The following ATG16L1 variants were observed in gnomAD, a reference collection of about 807,000 sequenced individuals.
The protein encoded by ATG16L1 is autophagy related 16 like 1, also known as autophagy-related protein 16-1.
A neutral mutation model predicts 88.5 loss-of-function variants in ATG16L1; 37 were observed. The observed-to-expected ratio is 0.42, with a 90% CI of 0.32 to 0.55. The LOEUF (loss-of-function observed/expected upper bound fraction) is 0.55. Ranked by LOEUF, ATG16L1 falls within the 20% of genes least tolerant of loss-of-function variation. ATG16L1 has a pLI of 0.13. For missense variants in ATG16L1, 554 were observed against 752.8 expected (o/e 0.74, Z 3.09); for synonymous variants, 301 against 281.0 (o/e 1.07, Z -0.71).
At position 233,294,417 on chromosome 2, in the gene ATG16L1, CTGTCCTGGCAGGTG is replaced by C; in HGVS notation, c.*68_*81del. 2.3e-6 allele frequency: 3 copies of C among 1,330,276 alleles called. No individual in the cohort carries two copies. Among genetic ancestry groups the C allele is most frequent in the Non-Finnish European group, 3.2e-6 (3 of 938,738 alleles). The allele number at this position is 1,330,276 out of a possible 1,614,324, so 82.4% of individuals were successfully genotyped here. Reference sequence around the variant, plus strand: ...AAGAAGCACATGGGCTCCTGCAGCCCTGTCCTGGCAGGTGATGTGCTGGGTATAGCATGGACCTC... The same window carrying C: ...AAGAAGCACATGGGCTCCTGCAGCCCATGTGCTGGGTATAGCATGGACCTC... On this transcript the variant is annotated 3_prime_UTR_variant, in exon 18 of 18. Transcript: ENST00000392017.
chr2:233,251,931 T>C lies in ATG16L1; in HGVS notation c.104T>C (p.Ile35Thr). ...CTGCAGAGACAGGCGTTCGAGGAGA[T>C]CATCCTGCAGTGTGAGCGGCGCCGG... is the stretch of plus-strand genomic sequence containing the variant. ...DRLQRQAFEE[I>T]ILQYNKLLEK... Residue 35 changes from isoleucine (I) to threonine (T), a missense_variant, in exon 1 of 18, where the codon ATC (isoleucine) becomes ACC (threonine). Transcript: ENST00000392017. 6.5e-7 allele frequency: 1 copy of C among 1,548,480 alleles called. No homozygotes were observed. The highest frequency in any genetic ancestry group is 1.4e-5 in the African/African-American group (1 of 73,054).
Position 233,295,396 on chromosome 2 carries a change from T to C in ATG16L1, c.*1046T>C, listed in dbSNP as rs1413330492. 6.5e-6 allele frequency: 1 copy of C among 152,806 alleles called. No individual in the cohort carries two copies. Among genetic ancestry groups the C allele is most frequent in the Non-Finnish European group, 1.5e-5 (1 of 68,054 alleles). 9.5% of individuals were successfully genotyped at this position (152,806 alleles called of 1,614,324 possible). On this transcript the variant is annotated 3_prime_UTR_variant, in exon 18 of 18. Transcript: ENST00000392017. ...ATCACTTTTAAATTTGCACTTTATTTTTTTTCTTCCATGCTTGTTCTCTGG... is the reference window on the plus strand; with the variant it reads ...ATCACTTTTAAATTTGCACTTTATTCTTTTTCTTCCATGCTTGTTCTCTGG...
At position 233,282,777 on chromosome 2, in the gene ATG16L1, G is replaced by C. The variant is rs758130428; in HGVS notation, c.1203+24G>C. 4 of 1,607,584 alleles carry C rather than the reference G, an allele frequency of 2.5e-6. No individual in the cohort carries two copies. The South Asian group carries it at 4.4e-5, about 18-fold the overall frequency. The stretch of plus-strand genomic sequence containing the variant: ...GGGTAAGACCCAGTTAAGAAAGTTA[G>C]TGCAATCTCCAAACTTCATGTGGTG... On this transcript the variant is annotated intron_variant, in intron 12 of 17. Transcript: ENST00000392017.
chr2:233,253,333 T>TTG (rs1696526219), intron 1 of ATG16L1, among the ~76,000 whole-genome samples: 1 of 77,584 alleles, frequency 1.3e-5, no homozygotes, highest in Non-Finnish European at 3.2e-5. Context: ...TGAGACTGGG[T>TTG]TTTTTTGTTT....
chr2:233,293,714 A>AT (rs1367214613), intron 17 of ATG16L1, among the ~76,000 whole-genome samples: 2 of 151,970 alleles, frequency 1.3e-5, no homozygotes, highest in Admixed American at 6.6e-5. Context: ...TTGTCAGTGC[A>AT]TTTCAGTGCA....
intron 6 of ATG16L1, 51 bp downstream of exon 6, chr2:233,270,118 T>C: frequency 6.6e-7 from 1 of 1,515,184 alleles, no homozygotes; most frequent in Non-Finnish European, 8.8e-7. Flanking sequence ...TTTGGCTCTC[T>C]TAAAAGTTTT....
chr2:233,254,608 T>G lies in ATG16L1; in HGVS notation c.116-1494T>G, dbSNP rs146593868. ...AAGGACTCCTTTTGAACGCCTGTGT[T>G]TTTTGAAAGAACCTAAAATTATCAC... is the stretch of plus-strand genomic sequence containing the variant. On this transcript the variant is annotated intron_variant, in intron 1 of 17. Coordinates refer to ENST00000392017, the MANE Select transcript of ATG16L1 (RefSeq NM_030803.7). Among the ~76,000 whole-genome samples, 546 of 152,326 alleles carry G rather than the reference T, an allele frequency of 3.6e-3. 4 individuals carry two copies. Among genetic ancestry groups the G allele is most frequent in the African/African-American group, 0.012 (517 of 41,580 alleles).
At chr2:233,252,451 C>A (rs1696442032) in intron 1 of ATG16L1, among the ~76,000 whole-genome samples, 1 of 151,980 alleles carries the variant, frequency 6.6e-6, no homozygotes, top group Admixed American at 6.5e-5. Flanking sequence ...GCGGAGATCA[C>A]GGCTCACTGC....
intron 8 of ATG16L1, 80 bp from the exon 9 acceptor site, chr2:233,274,596 C>T: frequency 9.1e-7 from 1 of 1,099,222 alleles, no homozygotes; most frequent in Non-Finnish European, 1.3e-6. Flanking sequence ...GCAAGGTCGT[C>T]TTGGAGTCCT....
rs1411608526 is a variant in ATG16L1, at chr2:233,277,691, G to C, written c.1060+18G>C. On this transcript the variant is annotated intron_variant, in intron 10 of 17. Transcript: ENST00000392017. The stretch of plus-strand genomic sequence containing the variant: ...ATTTGGAGGTGAGAGCCTGCTGCAT[G>C]TTCTCAGACTGAAAACTTGAGATGA... 1 of 1,605,966 alleles carries C rather than the reference G, an allele frequency of 6.2e-7. No individual in the cohort carries two copies. Among genetic ancestry groups the C allele is most frequent in the Admixed American group, 1.7e-5 (1 of 59,976 alleles).
rs1699746872 is a variant in ATG16L1, at chr2:233,295,667, A to G, written c.*1317A>G. ...TAAAGAAATCTGTTATATACTTTTC[A>G]AACTCCATGCCTCTTGGTGATTATT... On this transcript the variant is annotated 3_prime_UTR_variant, in exon 18 of 18. Transcript: ENST00000392017. 1 of 152,792 alleles carries G rather than the reference A, an allele frequency of 6.5e-6. No individual in the cohort carries two copies. Among genetic ancestry groups the G allele is most frequent in the Non-Finnish European group, 1.5e-5 (1 of 68,048 alleles). The allele number at this position is 152,792 out of a possible 1,614,324, so 9.5% of individuals were successfully genotyped here.
intron 5 of ATG16L1, among the ~76,000 whole-genome samples, chr2:233,268,083 T>C (rs1171409916): frequency 3.9e-5 from 6 of 152,160 alleles, no homozygotes; most frequent in Non-Finnish European, 8.8e-5. Flanking sequence ...CACACTGTTT[T>C]GAGATAGCTC....
chr2:233,258,089 T>C (rs1696942060), intron 2 of ATG16L1, among the ~76,000 whole-genome samples: 1 of 152,066 alleles, frequency 6.6e-6, no homozygotes, highest in Admixed American at 6.6e-5. Context: ...TTTCATGAAA[T>C]ACATATTTGT....
intron 17 of ATG16L1, among the ~76,000 whole-genome samples, chr2:233,293,729 C>T (rs757608900): frequency 1.3e-5 from 2 of 152,118 alleles, no homozygotes; most frequent in African/African-American, 2.4e-5. Context: ...AGTGCATTGA[C>T]GTGTCCTAAA....
In ATG16L1 at chr2:233,295,478, C is replaced by T. The variant is rs957688864; in HGVS notation, c.*1128C>T. The T allele has an allele frequency of 5.2e-5, 8 of 152,878 alleles. No individual in the cohort carries two copies. Among genetic ancestry groups the T allele is most frequent in the African/African-American group, 1.9e-4 (8 of 41,556 alleles). The allele number at this position is 152,878 out of a possible 1,614,324, so 9.5% of individuals were successfully genotyped here. On this transcript the variant is annotated 3_prime_UTR_variant, in exon 18 of 18. Transcript: ENST00000392017. ...AGAGAGGAGTCAGGTGGCCTTCCCACCGATGGTCCTGGCCTCCACCTGCCC... is the reference window on the plus strand; with the variant it reads ...AGAGAGGAGTCAGGTGGCCTTCCCATCGATGGTCCTGGCCTCCACCTGCCC...
chr2:233,277,531 G>C, intron 9 of ATG16L1, 37 bp from the exon 10 acceptor site: 1 of 1,591,254 alleles, frequency 6.3e-7, no homozygotes, highest in Non-Finnish European at 8.6e-7. Context: ...CTTGGGATGA[G>C]AATGACTGGG....
chr2:233,269,973 G>T, intron 5 of ATG16L1, 29 bp from the exon 6 acceptor site: 1 of 1,534,100 alleles, frequency 6.5e-7, no homozygotes, highest in Non-Finnish European at 8.8e-7. Flanking sequence ...GACATAAATG[G>T]TGGGCTTTTT....
At chr2:233,257,540 C>T (rs915942621) in intron 2 of ATG16L1, among the ~76,000 whole-genome samples, 1 of 152,152 alleles carries the variant, frequency 6.6e-6, no homozygotes, top group Non-Finnish European at 1.5e-5. Flanking sequence ...CTATGATACT[C>T]AGTAGGTGAG....
chr2:233,251,870 C>T lies in ATG16L1; in HGVS notation c.43C>T (p.Arg15Cys), dbSNP rs1158657804. Residue 15 changes from arginine to cysteine, a missense_variant, in exon 1 of 18, where the codon CGC (arginine) becomes TGC (cysteine). Arg to Cys is a radical substitution (Grantham distance 180, BLOSUM62 -3). This residue lies in a region of ATG16L1 where 101 missense variants were observed against 107.0 expected (regional missense o/e 0.94). Coordinates refer to ENST00000392017, the MANE Select transcript of ATG16L1 (RefSeq NM_030803.7). ...LRAADFPRWK[R>C]HISEQLRRRD... ...CGCCGCTGACTTCCCCCGCTGGAAG[C>T]GCCACATCTCGGAGCAACTGAGGCG... The T allele has an allele frequency of 1.3e-6, 2 of 1,550,620 alleles. No individual in the cohort carries two copies. The highest frequency in any genetic ancestry group is 1.7e-6 in the Non-Finnish European group (2 of 1,147,328).
Sources: allele counts gnomAD v4.1 joint callset (sites outside exome capture counted in the v4.1 genomes callset), GRCh38; gene constraint gnomAD v4.1.1; regional missense constraint gnomAD v4.1.1; transcripts MANE v1.5; gene names NCBI Gene and HGNC (gene_info 2026-07-23, HGNC 2026-07-21).